The following MBD5 variants were observed in gnomAD, a reference collection of about 807,000 sequenced individuals.
MBD5 encodes the protein methyl-CpG binding domain protein 5, also known as methyl-CpG-binding domain protein 5.
MBD5 carries 13 observed loss-of-function variants against 117.3 expected under a neutral mutation model. That is an observed-to-expected ratio of 0.11 (90% CI 0.07 to 0.18). The LOEUF is 0.18. Among genes scored for constraint, MBD5 ranks in the 10% least tolerant of loss-of-function variants. The pLI is 1.00. For missense variants in MBD5, 1,879 were observed against 2,093.8 expected (o/e 0.90, Z 2.00); for synonymous variants, 727 against 766.4 (o/e 0.95, Z 0.85).
At chr2:148,082,702 G>A (rs7595938) in intron 1 of MBD5, among the ~76,000 whole-genome samples, 45,995 of 151,942 alleles carry the variant, frequency 0.3, 8,498 homozygotes, top group South Asian at 0.47. Flanking sequence ...TTATACCTCC[G>A]TGACTTAATC....
intron 1 of MBD5, among the ~76,000 whole-genome samples, chr2:148,103,476 G>A (rs941158847): frequency 1.3e-5 from 2 of 152,180 alleles, no homozygotes; most frequent in African/African-American, 4.8e-5. Context: ...GGAGAGCCAG[G>A]ACTGTGGCCT....
Position 148,048,415 on chromosome 2 carries a change from T to TAG in MBD5, c.-925+26731_-925+26732insAG, listed in dbSNP as rs540855091. On this transcript the variant is annotated intron_variant, in intron 1 of 13. Coordinates refer to ENST00000642680, the MANE Select transcript of MBD5 (RefSeq NM_001378120.1). ...CATCTGCCTTTGAAGAATTTATAGT[T>TAG]TAGTGAGGATATGCACATACCTATG... Among the ~76,000 whole-genome samples the TAG allele has an allele frequency of 2.2e-4, 33 of 152,252 alleles. No individual in the cohort carries two copies. The East Asian group carries it at 4.8e-3, about 22-fold the overall frequency.
chr2:148,317,304 G>C (rs574187875), intron 3 of MBD5, among the ~76,000 whole-genome samples: 2 of 152,168 alleles, frequency 1.3e-5, no homozygotes, highest in South Asian at 4.2e-4. Flanking sequence ...GAGAGGCAGA[G>C]GTTGCAGTGA....
chr2:148,307,435 T>A (rs978551682), intron 3 of MBD5, among the ~76,000 whole-genome samples: 2 of 152,166 alleles, frequency 1.3e-5, no homozygotes, highest in African/African-American at 4.8e-5. Flanking sequence ...ATTCAGTTTT[T>A]ATCATACTCT....
chr2:148,388,969 A>G (rs1208938529), intron 4 of MBD5, among the ~76,000 whole-genome samples: 2 of 150,056 alleles, frequency 1.3e-5, no homozygotes, highest in Non-Finnish European at 3.0e-5. Context: ...TAGTTTTTCA[A>G]CTCTCACCTC....
At chr2:148,209,511 T>G (rs953239229) in intron 2 of MBD5, among the ~76,000 whole-genome samples, 3 of 151,692 alleles carry the variant, frequency 2.0e-5, no homozygotes, top group Non-Finnish European at 4.4e-5. Context: ...GCAATAAACT[T>G]CTTTTTTCTT....
chr2:148,437,035 T>A (rs1467107525), intron 4 of MBD5, among the ~76,000 whole-genome samples: 1 of 152,154 alleles, frequency 6.6e-6, no homozygotes, highest in Non-Finnish European at 1.5e-5. Flanking sequence ...CAGTTTGGAG[T>A]GCAGTGGCAC....
At chr2:148,441,233 C>G (rs112832727) in intron 4 of MBD5, among the ~76,000 whole-genome samples, 18,502 of 152,056 alleles carry the variant, frequency 0.12, 1,514 homozygotes, top group Middle Eastern at 0.19. Flanking sequence ...TTAGGTATAT[C>G]TCCTAATGCT....
chr2:148,489,660 G>T lies in MBD5; in HGVS notation c.4028G>T (p.Ser1343Ile), dbSNP rs778809485. The change falls in exon 11 of 14, where the codon AGT (serine) becomes ATT (isoleucine). Residue 1343 changes from serine to isoleucine, a missense_variant. This residue lies in a region of MBD5 where 1,666 missense variants were observed against 1,792.2 expected (regional missense o/e 0.93). Coordinates refer to ENST00000642680, the MANE Select transcript of MBD5 (RefSeq NM_001378120.1). Reference protein sequence around the residue: ...MQVVITTAVNSTTQISPIPAL... With the variant: ...MQVVITTAVNITTQISPIPAL... ...GTTGTCATCACCACTGCAGTCAACA[G>T]TACAACTCAGATCAGCCCCATTCCA... 1 of 1,614,180 alleles carries T rather than the reference G, an allele frequency of 6.2e-7. No individual in the cohort carries two copies. Among genetic ancestry groups the T allele is most frequent in the Non-Finnish European group, 8.5e-7 (1 of 1,180,036 alleles).
chr2:148,265,566 C>T (rs1348294525), intron 3 of MBD5, among the ~76,000 whole-genome samples: 1 of 152,080 alleles, frequency 6.6e-6, no homozygotes, highest in African/African-American at 2.4e-5. Flanking sequence ...ATACCCTTTT[C>T]ACATTATTGA....
At chr2:148,475,760 G>T (rs999928898) in intron 8 of MBD5, among the ~76,000 whole-genome samples, 1 of 152,024 alleles carries the variant, frequency 6.6e-6, no homozygotes, top group African/African-American at 2.4e-5. Flanking sequence ...AGATTCTATG[G>T]AGTAATGTTA....
chr2:148,246,216 G>T (rs1401996983), intron 3 of MBD5, among the ~76,000 whole-genome samples: 1 of 152,096 alleles, frequency 6.6e-6, no homozygotes, highest in Non-Finnish European at 1.5e-5. Flanking sequence ...ACTTGCCCAA[G>T]GACTTTCAAG....
intron 4 of MBD5, among the ~76,000 whole-genome samples, chr2:148,448,583 T>C (rs1469325560): frequency 6.6e-6 from 1 of 152,030 alleles, no homozygotes; most frequent in South Asian, 2.1e-4. Flanking sequence ...CTGTTTGGTA[T>C]TGATTAATCC....
chr2:148,202,819 G>A (rs1249277481), intron 2 of MBD5, among the ~76,000 whole-genome samples: 1 of 152,022 alleles, frequency 6.6e-6, no homozygotes, highest in African/African-American at 2.4e-5. Context: ...CTTGAGGTCA[G>A]GAGTTCGAGA....
chr2:148,277,043 T>C (rs1279800264), intron 3 of MBD5, among the ~76,000 whole-genome samples: 2 of 152,228 alleles, frequency 1.3e-5, no homozygotes, highest in African/African-American at 4.8e-5. Flanking sequence ...CTCCCTTTCT[T>C]CAACATCACT....
intron 4 of MBD5, among the ~76,000 whole-genome samples, chr2:148,414,952 C>T (rs906526178): frequency 6.6e-6 from 1 of 151,936 alleles, no homozygotes; most frequent in African/African-American, 2.4e-5. Flanking sequence ...GGGATTTAAC[C>T]CATTTGTTTT....
chr2:148,148,149 C>A (rs934454569), intron 1 of MBD5, among the ~76,000 whole-genome samples: 1 of 152,140 alleles, frequency 6.6e-6, no homozygotes, highest in African/African-American at 2.4e-5. Flanking sequence ...TACATAAAGG[C>A]AGTTCTGAGT....
intron 1 of MBD5, among the ~76,000 whole-genome samples, chr2:148,151,895 C>T (rs1697682806): frequency 6.6e-6 from 1 of 152,036 alleles, no homozygotes. Context: ...AAAACCAGCT[C>T]CTGGATTCAT....
chr2:148,153,266 C>T (rs1183418262), intron 1 of MBD5, among the ~76,000 whole-genome samples: 2 of 151,912 alleles, frequency 1.3e-5, no homozygotes, highest in South Asian at 4.2e-4. Flanking sequence ...TGAATATTGG[C>T]CCCCACTCTC....
Sources: allele counts gnomAD v4.1 joint callset (sites outside exome capture counted in the v4.1 genomes callset), GRCh38; gene constraint gnomAD v4.1.1; regional missense constraint gnomAD v4.1.1; transcripts MANE v1.5; gene names NCBI Gene and HGNC (gene_info 2026-07-23, HGNC 2026-07-21).